RCSD1: variants seen among roughly 807,000 people sequenced by gnomAD.
RCSD1 encodes the protein capZ-interacting protein.
Under a neutral mutation model 42.5 loss-of-function variants are expected in RCSD1, and 26 were observed. The observed-to-expected ratio is 0.61, with a 90% confidence interval of 0.45 to 0.85. RCSD1 has a LOEUF of 0.85. Among genes scored for constraint, RCSD1 ranks in the 40% least tolerant of loss-of-function variants. RCSD1 has a pLI of 0.00. For synonymous variants in RCSD1, 220 were observed against 212.2 expected (o/e 1.04, Z -0.32); for missense variants, 571 against 528.3 (o/e 1.08, Z -0.79).
intron 1 of RCSD1, among the ~76,000 whole-genome samples, chr1:167,656,106 A>C (rs746479153): frequency 6.6e-6 from 1 of 152,176 alleles, no homozygotes; most frequent in Admixed American, 6.5e-5. Flanking sequence ...TATACAGCCT[A>C]TCTTTTAAAA....
intron 6 of RCSD1, among the ~76,000 whole-genome samples, chr1:167,701,449 G>A (rs932992962): frequency 9.2e-5 from 14 of 151,934 alleles, no homozygotes; most frequent in African/African-American, 3.4e-4. Context: ...GGGATTACAA[G>A]CCCGCACCAC....
chr1:167,707,944 C>T lies in RCSD1; in HGVS notation c.*3248C>T, dbSNP rs1659797202. ...CTCCTGGCCTCTAGTGATCTGCCTG[C>T]CTCGGTCTCCCAAAGTGGGATTACA... is the stretch of plus-strand genomic sequence containing the variant. On this transcript the variant is annotated 3_prime_UTR_variant, in exon 7 of 7. Transcript: ENST00000367854. Among the ~76,000 whole-genome samples the T allele has an allele frequency of 6.6e-6, 1 of 152,200 alleles. No homozygotes were observed. Among genetic ancestry groups the T allele is most frequent in the South Asian group, 2.1e-4 (1 of 4,830 alleles).
At chr1:167,667,757 C>T (rs1658694437) in intron 1 of RCSD1, among the ~76,000 whole-genome samples, 1 of 152,188 alleles carries the variant, frequency 6.6e-6, no homozygotes. Flanking sequence ...CTCAGAGCCT[C>T]CCTGGATGAC....
Position 167,694,307 on chromosome 1 carries a change from A to G in RCSD1, c.474+5A>G. 2 of 1,613,228 alleles carry G rather than the reference A, an allele frequency of 1.2e-6. No individual in the cohort carries two copies. The highest frequency in any genetic ancestry group is 1.7e-6 in the Non-Finnish European group (2 of 1,179,576). On this transcript the variant is annotated splice_donor_5th_base_variant and intron_variant, in intron 5 of 6. Transcript: ENST00000367854. The stretch of plus-strand genomic sequence containing the variant: ...CATCTGCCCTGTTACAACAAGGTAA[A>G]TTCTAGCTCCAGATTATGGCGGTGT...
chr1:167,688,549 T>C (rs1195959739), intron 3 of RCSD1, among the ~76,000 whole-genome samples: 1 of 152,134 alleles, frequency 6.6e-6, no homozygotes, highest in East Asian at 1.9e-4. Context: ...CCCAGCTGCA[T>C]CTTGGTAGAG....
chr1:167,692,693 GTA>G (rs1453908378), intron 4 of RCSD1, among the ~76,000 whole-genome samples: 1 of 152,098 alleles, frequency 6.6e-6, no homozygotes, highest in African/African-American at 2.4e-5. Context: ...GTTTGGGCTA[GTA>G]TGCTATTTAA....
intron 6 of RCSD1, among the ~76,000 whole-genome samples, chr1:167,702,007 G>C (rs143835717): frequency 2.2e-4 from 34 of 152,328 alleles, no homozygotes; most frequent in African/African-American, 8.2e-4. Context: ...TTGTTCCTCT[G>C]TCGGTAGAAA....
At chr1:167,680,139 G>T (rs762612350) in intron 1 of RCSD1, among the ~76,000 whole-genome samples, 1 of 152,094 alleles carries the variant, frequency 6.6e-6, no homozygotes, top group African/African-American at 2.4e-5. Flanking sequence ...GGAAGATGGA[G>T]TACAGGCCTG....
Position 167,684,955 on chromosome 1 carries a change from A to G in RCSD1, c.109-466A>G, listed in dbSNP as rs1268523369. 4.6e-5 allele frequency among the ~76,000 whole-genome samples: 7 copies of G among 152,338 alleles called. No individual in the cohort carries two copies. The South Asian group carries it at 1.4e-3, about 32-fold the overall frequency. ...AAATCTATCGTGGCCCCTTGGGGCA[A>G]GTGAGTACTTATTTGCCTTGCATTT... On this transcript the variant is annotated intron_variant, in intron 2 of 6. Coordinates refer to ENST00000367854, the MANE Select transcript of RCSD1 (RefSeq NM_052862.4).
At chr1:167,662,515 A>G (rs1040716781) in intron 1 of RCSD1, among the ~76,000 whole-genome samples, 5 of 151,762 alleles carry the variant, frequency 3.3e-5, no homozygotes, top group Admixed American at 2.0e-4. Flanking sequence ...ACTGTTCTTC[A>G]TTACCAGTTT....
intron 4 of RCSD1, among the ~76,000 whole-genome samples, chr1:167,691,322 G>A (rs1659371554): frequency 6.6e-6 from 1 of 152,242 alleles, no homozygotes; most frequent in Admixed American, 6.5e-5. Context: ...GAAGAGAGTA[G>A]AGTGGGCCAG....
intron 3 of RCSD1, among the ~76,000 whole-genome samples, chr1:167,686,009 C>A (rs1452590430): frequency 1.3e-5 from 2 of 152,234 alleles, no homozygotes; most frequent in Non-Finnish European, 2.9e-5. Flanking sequence ...CCAGAGCGCA[C>A]AGGAGGCCTC....
intron 6 of RCSD1, among the ~76,000 whole-genome samples, chr1:167,701,830 C>T (rs1448946365): frequency 6.6e-6 from 1 of 152,206 alleles, no homozygotes; most frequent in Non-Finnish European, 1.5e-5. Flanking sequence ...ATCAAAATGC[C>T]TGAGTCACTA....
chr1:167,642,364 T>TAA (rs1658027994), intron 1 of RCSD1, among the ~76,000 whole-genome samples: 1 of 152,192 alleles, frequency 6.6e-6, no homozygotes, highest in African/African-American at 2.4e-5. Context: ...GCTTGAGTCT[T>TAA]ACACGGCTTT....
chr1:167,701,252 G>GTTTGTTTGTTTCTTTC (rs1276194168), intron 6 of RCSD1, among the ~76,000 whole-genome samples: 179 of 96,084 alleles, frequency 1.9e-3, no homozygotes, highest in South Asian at 5.5e-3. Context: ...CAATTGCCTA[G>GTTTGTTTGTTTCTTTC]TTTCTTTCTT....
At chr1:167,675,050 C>CA (rs1163421348) in intron 1 of RCSD1, among the ~76,000 whole-genome samples, 7 of 151,692 alleles carry the variant, frequency 4.6e-5, no homozygotes, top group East Asian at 3.9e-4. Context: ...ACTAAAAATA[C>CA]AAAAAATTAG....
chr1:167,658,248 A>AT (rs1658464776), intron 1 of RCSD1, among the ~76,000 whole-genome samples: 1 of 152,230 alleles, frequency 6.6e-6, no homozygotes, highest in African/African-American at 2.4e-5. Context: ...TTACATTCAC[A>AT]TAACTATATA....
intron 4 of RCSD1, among the ~76,000 whole-genome samples, chr1:167,692,979 T>G (rs1197549104): frequency 1.3e-5 from 2 of 152,002 alleles, no homozygotes; most frequent in African/African-American, 4.8e-5. Context: ...ACTTTGGAAG[T>G]CAGGCCAAAA....
chr1:167,704,607 G>A, intron 6 of RCSD1, 57 bp from the exon 7 acceptor site: 7 of 1,450,820 alleles, frequency 4.8e-6, no homozygotes, highest in Non-Finnish European at 5.8e-6. Context: ...GAGGGATGCT[G>A]AGTGTCAGGA....
Sources: gnomAD v4.1 joint callset for allele counts (sites outside exome capture counted in the v4.1 genomes callset) on GRCh38, gnomAD v4.1.1 for gene constraint, MANE v1.5 for transcripts, NCBI Gene and HGNC (gene_info 2026-07-23, HGNC 2026-07-21) for gene names.